TMEM232: variants seen among roughly 807,000 people sequenced by gnomAD.
TMEM232 encodes transmembrane protein 232.
A neutral mutation model predicts 78.8 loss-of-function variants in TMEM232; 80 were observed. The observed-to-expected ratio is 1.01, with a 90% CI of 0.85 to 1.22. TMEM232 has a LOEUF of 1.22. TMEM232 is among the 50% of genes most tolerant of loss of function. The pLI, the probability that TMEM232 is intolerant of heterozygous loss-of-function variation, is 0.00. For missense variants in TMEM232, 881 were observed against 742.2 expected (o/e 1.19, Z -2.17); for synonymous variants, 297 against 254.3 (o/e 1.17, Z -1.60).
intron 2 of TMEM232, among the ~76,000 whole-genome samples, chr5:110,402,670 C>T (rs1027904248): frequency 6.6e-6 from 1 of 152,088 alleles, no homozygotes; most frequent in African/African-American, 2.4e-5. Context: ...ACAGTTCTAA[C>T]AACATGCTGC....
At chr5:110,605,014 T>G (rs1446247543) in intron 10 of TMEM232, 95 bp downstream of exon 10, 1 of 1,316,668 alleles carries the variant, frequency 7.6e-7, no homozygotes, top group Non-Finnish European at 1.0e-6. Flanking sequence ...TAGTTGCTAT[T>G]TCTAAATATT....
At chr5:110,432,397 G>T (rs1232521006) in intron 12 of TMEM232, among the ~76,000 whole-genome samples, 2 of 151,584 alleles carry the variant, frequency 1.3e-5, no homozygotes, top group African/African-American at 2.4e-5. Context: ...CTTCATAAAC[G>T]AAGGAGAATG....
intron 1 of TMEM232, among the ~76,000 whole-genome samples, chr5:110,673,632 G>A (rs1218475424): frequency 6.6e-6 from 1 of 152,122 alleles, no homozygotes; most frequent in Non-Finnish European, 1.5e-5. Context: ...CAGCCTGTGT[G>A]GGGATTATGA....
intron 1 of TMEM232, among the ~76,000 whole-genome samples, chr5:110,694,936 T>C (rs1392638379): frequency 6.6e-6 from 1 of 152,098 alleles, no homozygotes; most frequent in Non-Finnish European, 1.5e-5. Flanking sequence ...TGAACACAGC[T>C]CTGCACCAAG....
At chr5:110,477,278 A>C (rs1213455907) in intron 12 of TMEM232, among the ~76,000 whole-genome samples, 1 of 151,904 alleles carries the variant, frequency 6.6e-6, no homozygotes, top group Non-Finnish European at 1.5e-5. Flanking sequence ...AAAGCACCAA[A>C]CTATCTTTAA....
intron 5 of TMEM232, among the ~76,000 whole-genome samples, chr5:110,629,998 C>T (rs1037729772): frequency 1.3e-5 from 2 of 152,070 alleles, no homozygotes; most frequent in Non-Finnish European, 2.9e-5. Context: ...GCATATAGAG[C>T]GGGTGATGCA....
intron 1 of TMEM232, among the ~76,000 whole-genome samples, chr5:110,699,065 C>CAAAAT (rs1261660708): frequency 6.7e-6 from 1 of 149,206 alleles, no homozygotes; most frequent in Non-Finnish European, 1.5e-5. Flanking sequence ...CAAAACAAAA[C>CAAAAT]AAAACAAAAC....
At chr5:110,535,916 A>T (rs927163661) in intron 11 of TMEM232, among the ~76,000 whole-genome samples, 17 of 152,156 alleles carry the variant, frequency 1.1e-4, no homozygotes, top group African/African-American at 4.1e-4. Context: ...CAAATTATAA[A>T]AGGACCAGAA....
chr5:110,656,951 G>A (rs559816870), intron 2 of TMEM232, among the ~76,000 whole-genome samples: 18 of 152,008 alleles, frequency 1.2e-4, no homozygotes, highest in African/African-American at 3.1e-4. Context: ...ATAATTGTAC[G>A]TATTTATGGG....
intron 8 of TMEM232, among the ~76,000 whole-genome samples, chr5:110,617,688 G>A (rs1007379284): frequency 1.3e-5 from 2 of 152,068 alleles, no homozygotes; most frequent in African/African-American, 4.8e-5. Flanking sequence ...GGGAGCAGTG[G>A]CTCACTCCTG....
At chr5:110,462,309 G>C (rs1455614194) in intron 12 of TMEM232, among the ~76,000 whole-genome samples, 2 of 152,152 alleles carry the variant, frequency 1.3e-5, no homozygotes, top group African/African-American at 2.4e-5. Context: ...ACTTTGATTG[G>C]ATTGAAGGAT....
chr5:110,610,133 T>A (rs1782005095), intron 8 of TMEM232, among the ~76,000 whole-genome samples: 1 of 149,534 alleles, frequency 6.7e-6, no homozygotes, highest in African/African-American at 2.5e-5. Flanking sequence ...CAGAGAAAAG[T>A]CTTTCATAAT....
chr5:110,667,152 A>T (rs1790699042), intron 2 of TMEM232, 76 bp downstream of exon 2: 9 of 1,169,024 alleles, frequency 7.7e-6, no homozygotes, highest in Non-Finnish European at 1.0e-5. Flanking sequence ...CTATGGGTGA[A>T]TTTTTTTTTT....
chr5:110,396,967 C>T (rs79573650), intron 3 of TMEM232, among the ~76,000 whole-genome samples: 8,697 of 152,132 alleles, frequency 0.057, 506 homozygotes, highest in East Asian at 0.23. Flanking sequence ...TAGGAAGAGG[C>T]TATAGGTTAT....
chr5:110,391,326 T>TGTGTGTGTGTGTGTGTGTGTGTGAGAGA (rs549361387), intron 3 of TMEM232, among the ~76,000 whole-genome samples: 1 of 139,814 alleles, frequency 7.2e-6, no homozygotes, highest in African/African-American at 2.9e-5. Flanking sequence ...TGTGTGTGTG[T>TGTGTGTGTGTGTGTGTGTGTGTGAGAGA]GAGAGAGAGA....
At chr5:110,601,733 T>C (rs768441892) in intron 10 of TMEM232, among the ~76,000 whole-genome samples, 7 of 152,180 alleles carry the variant, frequency 4.6e-5, no homozygotes, top group Non-Finnish European at 8.8e-5. Flanking sequence ...AATTAATTTA[T>C]AGATTCAATA....
intron 12 of TMEM232, among the ~76,000 whole-genome samples, chr5:110,505,567 C>T (rs530902039): frequency 6.6e-6 from 1 of 152,188 alleles, no homozygotes; most frequent in Admixed American, 6.5e-5. Flanking sequence ...AATGCAGTGG[C>T]ATGATCTCAG....
At chr5:110,634,880 G>A (rs1160456552) in intron 5 of TMEM232, among the ~76,000 whole-genome samples, 1 of 151,688 alleles carries the variant, frequency 6.6e-6, no homozygotes, top group Non-Finnish European at 1.5e-5. Flanking sequence ...GACTAAAAAA[G>A]CAACACAAAA....
chr5:110,574,473 A>T (rs564825125), intron 10 of TMEM232, among the ~76,000 whole-genome samples: 1 of 152,062 alleles, frequency 6.6e-6, no homozygotes, highest in Non-Finnish European at 1.5e-5. Context: ...AATAAAAATG[A>T]CATTATTTAC....
Sources: allele counts gnomAD v4.1 joint callset (sites outside exome capture counted in the v4.1 genomes callset), GRCh38; gene constraint gnomAD v4.1.1; transcripts MANE v1.5; gene names NCBI Gene and HGNC (gene_info 2026-07-23, HGNC 2026-07-21).